Variants in CA5A observed in about 807,000 individuals in gnomAD.
CA5A encodes the protein carbonic anhydrase 5A, mitochondrial.
In CA5A, 28 loss-of-function variants were observed where a neutral mutation model predicts 37.1. The ratio of observed to expected loss-of-function variants is 0.75; its 90% CI spans 0.56 to 1.03. The LOEUF (loss-of-function observed/expected upper bound fraction) is 1.03. Ranked by LOEUF, CA5A falls within the 50% of genes least tolerant of loss-of-function variation. The pLI is 0.00. For synonymous variants in CA5A, 171 were observed against 158.4 expected (o/e 1.08, Z -0.60); for missense variants, 444 against 399.9 (o/e 1.11, Z -0.94).
chr16:87,900,661 A>G (rs1002245476), intron 5 of CA5A, among the ~76,000 whole-genome samples: 6 of 152,212 alleles, frequency 3.9e-5, no homozygotes, highest in African/African-American at 1.4e-4. Flanking sequence ...TGTCCCCACC[A>G]TCTTTTCGAG....
Position 87,916,050 on chromosome 16 carries a change from A to G in CA5A, c.340+10698T>C, listed in dbSNP as rs2056137105. Among the ~76,000 whole-genome samples, 5 of 151,528 alleles carry G rather than the reference A, an allele frequency of 3.3e-5. No homozygotes were observed. In the South Asian group the frequency reaches 1.0e-3, roughly 32 times the overall value. ...AGAGACAGAATGAGAACCAAGCAAA[A>G]GGGGTTACTCGGGAGCCTGCGGCAG... On this transcript the variant is annotated intron_variant, in intron 2 of 6. Coordinates refer to ENST00000649794, the MANE Select transcript of CA5A (RefSeq NM_001739.2).
At chr16:87,890,419 C>A (rs2055696289) in intron 6 of CA5A, among the ~76,000 whole-genome samples, 1 of 152,138 alleles carries the variant, frequency 6.6e-6, no homozygotes, top group South Asian at 2.1e-4. Flanking sequence ...CTGAAAGACC[C>A]TCTAAGAGCT....
chr16:87,882,648 G>A (rs1345359343), intron 4 of CA5A: 1 of 152,246 alleles, frequency 6.6e-6, no homozygotes, highest in Non-Finnish European at 1.5e-5. Flanking sequence ...AGCGGGGCTG[G>A]AGCTGCTGAA....
intron 2 of CA5A, among the ~76,000 whole-genome samples, chr16:87,921,326 C>G (rs1011925197): frequency 2.1e-4 from 32 of 152,214 alleles, no homozygotes; most frequent in African/African-American, 6.8e-4. Context: ...GTTGACTTGG[C>G]TTCAGGTACA....
At chr16:87,920,347 C>T (rs996328818) in intron 2 of CA5A, among the ~76,000 whole-genome samples, 1 of 152,244 alleles carries the variant, frequency 6.6e-6, no homozygotes, top group Non-Finnish European at 1.5e-5. Flanking sequence ...ATGTCTCGCT[C>T]TGTCGCCCAG....
At chr16:87,896,649 A>T (rs556408443) in intron 5 of CA5A, among the ~76,000 whole-genome samples, 2 of 151,920 alleles carry the variant, frequency 1.3e-5, no homozygotes, top group Non-Finnish European at 2.9e-5. Flanking sequence ...TTATTTATTT[A>T]TTGTTTTTGA....
chr16:87,912,766 G>A (rs923984457), intron 2 of CA5A, among the ~76,000 whole-genome samples: 15 of 152,226 alleles, frequency 9.9e-5, no homozygotes, highest in African/African-American at 3.6e-4. Context: ...GAGCCCTGAA[G>A]ATGGGTTTCT....
intron 1 of CA5A, among the ~76,000 whole-genome samples, chr16:87,933,318 G>A (rs1399875757): frequency 6.6e-6 from 1 of 152,178 alleles, no homozygotes; most frequent in Non-Finnish European, 1.5e-5. Flanking sequence ...ACACACTTAG[G>A]AACAGATGGG....
intron 6 of CA5A, 39 bp from the exon 7 acceptor site, chr16:87,888,311 G>A (rs149572777): frequency 0.062 from 97,364 of 1,579,804 alleles, 3,502 homozygotes; most frequent in Admixed American, 0.11. Flanking sequence ...TGGTATGAGT[G>A]CAGGGTGAGC....
At chr16:87,926,407 C>T (rs961522126) in intron 2 of CA5A, among the ~76,000 whole-genome samples, 5 of 152,286 alleles carry the variant, frequency 3.3e-5, no homozygotes, top group Admixed American at 2.6e-4. Flanking sequence ...GTTCCTCTTC[C>T]GACGCGCAAA....
chr16:87,920,222 G>T (rs561375607), intron 2 of CA5A, among the ~76,000 whole-genome samples: 1 of 152,240 alleles, frequency 6.6e-6, no homozygotes, highest in African/African-American at 2.4e-5. Flanking sequence ...ATTTGAGCAC[G>T]CAGTAAAAGG....
At chr16:87,905,627 G>A (rs768385451) in intron 2 of CA5A, among the ~76,000 whole-genome samples, 5 of 152,174 alleles carry the variant, frequency 3.3e-5, no homozygotes, top group Non-Finnish European at 5.9e-5. Flanking sequence ...CCAAAGCGCT[G>A]GGATGACAGG....
chr16:87,905,052 C>T (rs1159546027), intron 2 of CA5A, 148 bp from the exon 3 acceptor site: 10 of 686,164 alleles, frequency 1.5e-5, no homozygotes, highest in East Asian at 2.5e-5. Flanking sequence ...AGGTGGGCTC[C>T]GTGAAAGGTG....
At chr16:87,893,110 A>ATTTC (rs1374409140) in intron 5 of CA5A, 5 of 615,018 alleles carry the variant, frequency 8.1e-6, no homozygotes, top group East Asian at 3.0e-5. Context: ...GCCTAGAGAC[A>ATTTC]TTTCTTTCTT....
chr16:87,885,190 A>AAAC (rs534897829), downstream of CA5A: 7 of 169,866 alleles, frequency 4.1e-5, no homozygotes, highest in South Asian at 1.4e-4. Flanking sequence ...AAACAAAACA[A>AAAC]AACAACAACA....
intron 1 of CA5A, among the ~76,000 whole-genome samples, chr16:87,931,147 T>C (rs1240048099): frequency 6.6e-6 from 1 of 151,308 alleles, no homozygotes; most frequent in Non-Finnish European, 1.5e-5. Flanking sequence ...AGTCTCACTC[T>C]GTTGCCAGGG....
chr16:87,923,721 A>G, intron 2 of CA5A: 1 of 985,250 alleles, frequency 1.0e-6, no homozygotes, highest in Non-Finnish European at 1.2e-6. Flanking sequence ...AATAACCTTC[A>G]AAGTTTATAC....
intron 5 of CA5A, chr16:87,892,903 G>A (rs545442264): frequency 3.6e-5 from 18 of 497,888 alleles, no homozygotes; most frequent in Middle Eastern, 5.5e-4. Flanking sequence ...TGATCCACCC[G>A]CCTTGGCCTC....
At chr16:87,899,919 CAAAAAAAAAAAAAAAAA>C (rs565557401) in intron 5 of CA5A, among the ~76,000 whole-genome samples, 13 of 46,534 alleles carry the variant, frequency 2.8e-4, no homozygotes, top group Non-Finnish European at 4.3e-4. Flanking sequence ...GATTTTATCT[CAAAAAAAAAAAAAAAAA>C]AAAAAAAAAA....
Sources: gnomAD v4.1 joint callset for allele counts (sites outside exome capture counted in the v4.1 genomes callset) on GRCh38, gnomAD v4.1.1 for gene constraint, MANE v1.5 for transcripts, NCBI Gene and HGNC (gene_info 2026-07-23, HGNC 2026-07-21) for gene names.